VPS8: variants seen among roughly 807,000 people sequenced by gnomAD.
The protein encoded by VPS8 is VPS8 subunit of CORVET complex.
A neutral mutation model predicts 216.4 loss-of-function variants in VPS8; 129 were observed. The observed-to-expected ratio is 0.60, with a 90% CI of 0.52 to 0.69. The LOEUF is 0.69. VPS8 is among the 30% of genes least tolerant of loss of function. The pLI is 0.00. For missense variants in VPS8, 1,531 were observed against 1,683.5 expected (o/e 0.91, Z 1.59); for synonymous variants, 571 against 565.4 (o/e 1.01, Z -0.14).
At chr3:184,913,839 A>G (rs1737020745) in intron 26 of VPS8, among the ~76,000 whole-genome samples, 1 of 152,226 alleles carries the variant, frequency 6.6e-6, no homozygotes, top group Non-Finnish European at 1.5e-5. Context: ...AGCATCATAC[A>G]ATGCACAGAA....
chr3:184,957,828 C>T (rs1745870681), intron 37 of VPS8, among the ~76,000 whole-genome samples: 1 of 152,138 alleles, frequency 6.6e-6, no homozygotes, highest in Non-Finnish European at 1.5e-5. Context: ...AGTGACAAGA[C>T]AGGAGAGAGC....
At chr3:184,918,249 A>C (rs893218904) in intron 28 of VPS8, among the ~76,000 whole-genome samples, 1 of 152,132 alleles carries the variant, frequency 6.6e-6, no homozygotes, top group Non-Finnish European at 1.5e-5. Context: ...GAGAATGTTG[A>C]CCCGTGGATT....
chr3:184,855,692 T>C lies in VPS8; in HGVS notation c.1036-19T>C, dbSNP rs1725110724. On this transcript the variant is annotated intron_variant, in intron 13 of 47. Coordinates refer to ENST00000625842, the MANE Select transcript of VPS8 (RefSeq NM_001009921.3). ...GTTTATTAACTGTGATGATTTTTTT[T>C]TTCCATCTCCCTACTTAGATGGATC... is the stretch of plus-strand genomic sequence containing the variant. 3.8e-6 allele frequency: 6 copies of C among 1,580,812 alleles called. No homozygotes were observed. Among genetic ancestry groups the C allele is most frequent in the Non-Finnish European group, 5.2e-6 (6 of 1,153,704 alleles).
intron 5 of VPS8, 24 bp downstream of exon 5, chr3:184,834,766 C>A (rs1720709067): frequency 1.3e-6 from 2 of 1,527,684 alleles, no homozygotes; most frequent in South Asian, 1.2e-5. Flanking sequence ...TCTTTTCCCT[C>A]AACTTTGTAA....
chr3:185,048,070 A>G (rs913734060), intron 46 of VPS8, among the ~76,000 whole-genome samples: 20 of 152,216 alleles, frequency 1.3e-4, no homozygotes, highest in African/African-American at 4.8e-4. Flanking sequence ...AGATTTTTAA[A>G]TGACAGTGCG....
At chr3:184,957,656 CT>C in intron 37 of VPS8, 135 bp downstream of exon 37, 2 of 1,120,832 alleles carry the variant, frequency 1.8e-6, no homozygotes, top group South Asian at 3.6e-5. Flanking sequence ...AGACATACTC[CT>C]GAAAACAAAA....
intron 21 of VPS8, among the ~76,000 whole-genome samples, chr3:184,880,444 T>C (rs1161813991): frequency 6.6e-6 from 1 of 152,178 alleles, no homozygotes; most frequent in African/African-American, 2.4e-5. Context: ...CTCTTTAAAC[T>C]CAGCATAATA....
intron 5 of VPS8, 29 bp downstream of exon 5, chr3:184,834,771 T>C: frequency 6.6e-7 from 1 of 1,506,968 alleles, no homozygotes; most frequent in Non-Finnish European, 9.0e-7. Flanking sequence ...TCCCTCAACT[T>C]TGTAACCTGC....
intron 21 of VPS8, among the ~76,000 whole-genome samples, chr3:184,879,687 C>T (rs896093744): frequency 9.9e-5 from 15 of 152,090 alleles, no homozygotes; most frequent in African/African-American, 2.7e-4. Flanking sequence ...TTTACTAGTC[C>T]GGGAAATGCC....
chr3:185,037,087 T>C (rs1027554735), intron 46 of VPS8, among the ~76,000 whole-genome samples: 1 of 151,714 alleles, frequency 6.6e-6, no homozygotes, highest in African/African-American at 2.4e-5. Context: ...TTAACATGGA[T>C]TTAAATTACC....
intron 45 of VPS8, among the ~76,000 whole-genome samples, chr3:185,015,812 G>A (rs570072083): frequency 2.6e-5 from 4 of 152,198 alleles, no homozygotes; most frequent in Admixed American, 6.5e-5. Context: ...TTAACAATCC[G>A]AGTTCTCCCA....
In VPS8 at chr3:184,916,035, C is replaced by T. The variant is rs564048735; in HGVS notation, c.2382+561C>T. On this transcript the variant is annotated intron_variant, in intron 28 of 47. Coordinates refer to ENST00000625842, the MANE Select transcript of VPS8 (RefSeq NM_001009921.3). Reference sequence around the variant, plus strand: ...CCTCTCTCCTTCTCTCTCTTCCTTCCTCTCTCTCTAACACACACTCATCAA... The same window carrying T: ...CCTCTCTCCTTCTCTCTCTTCCTTCTTCTCTCTCTAACACACACTCATCAA... Among the ~76,000 whole-genome samples the T allele has an allele frequency of 3.9e-5, 6 of 152,018 alleles. No homozygotes were observed. The South Asian group carries it at 1.3e-3, about 32-fold the overall frequency.
rs779174644 is a variant in VPS8, at chr3:184,983,104, AAGGGGTGAATATT to A, written c.3585+12_3585+24del. The A allele has an allele frequency of 1.9e-6, 3 of 1,590,866 alleles. No homozygotes were observed. The South Asian group carries it at 3.5e-5, about 18-fold the overall frequency. On this transcript the variant is annotated intron_variant, in intron 42 of 47. Transcript: ENST00000625842. ...GCAAAGAATCTTACAGGTGAGTTAA[AAGGGGTGAATATT>A]AAATATTGATTTCAACTAACATTTT...
intron 3 of VPS8, among the ~76,000 whole-genome samples, chr3:184,831,149 A>G (rs969588531): frequency 6.6e-6 from 1 of 152,180 alleles, no homozygotes; most frequent in African/African-American, 2.4e-5. Flanking sequence ...ACCGAAAACT[A>G]AAGGAAAAGA....
intron 39 of VPS8, 140 bp from the exon 40 acceptor site, chr3:184,971,509 C>T: frequency 1.8e-6 from 1 of 549,532 alleles, no homozygotes; most frequent in South Asian, 2.3e-5. Flanking sequence ...ATCTATAAAA[C>T]ATTAGCATCA....
intron 46 of VPS8, among the ~76,000 whole-genome samples, chr3:185,038,925 T>C (rs1042288220): frequency 5.3e-5 from 8 of 152,196 alleles, no homozygotes; most frequent in African/African-American, 1.9e-4. Flanking sequence ...TTCCATTCCA[T>C]GAGTAGAGGC....
At chr3:185,033,751 GT>G (rs2108467210) in intron 46 of VPS8, among the ~76,000 whole-genome samples, 1 of 152,336 alleles carries the variant, frequency 6.6e-6, no homozygotes, top group Admixed American at 6.5e-5. Flanking sequence ...ATGAATGAGA[GT>G]TCCTATTGCT....
At chr3:184,940,289 T>TATGA in intron 36 of VPS8, 46 bp downstream of exon 36, 1 of 797,500 alleles carries the variant, frequency 1.3e-6, no homozygotes, top group South Asian at 4.0e-5. Flanking sequence ...TATATATATA[T>TATGA]GAGAAATAAA....
intron 28 of VPS8, among the ~76,000 whole-genome samples, chr3:184,919,904 AT>A (rs753339439): frequency 3.3e-5 from 5 of 149,996 alleles, no homozygotes; most frequent in Admixed American, 6.7e-5. Flanking sequence ...CTTATTTGTG[AT>A]TTTTTTTTAA....
Sources: gnomAD v4.1 joint callset for allele counts (sites outside exome capture counted in the v4.1 genomes callset) on GRCh38, gnomAD v4.1.1 for gene constraint, MANE v1.5 for transcripts, NCBI Gene and HGNC (gene_info 2026-07-23, HGNC 2026-07-21) for gene names.